The following LRRTM3 variants were observed in gnomAD, a reference collection of about 807,000 sequenced individuals.
LRRTM3 encodes the protein leucine rich repeat transmembrane neuronal 3, also known as leucine-rich repeat transmembrane neuronal protein 3.
LRRTM3 carries 24 observed loss-of-function variants against 44.7 expected under a neutral mutation model. The observed-to-expected ratio is 0.54, with a 90% CI of 0.39 to 0.76. The LOEUF (loss-of-function observed/expected upper bound fraction) is 0.76, where lower values mean the gene tolerates loss of function less well. Ranked by LOEUF, LRRTM3 falls within the 30% of genes least tolerant of loss-of-function variation. The probability of loss-of-function intolerance (pLI) is 0.00; values close to 1 mark genes in which losing one functional copy is unlikely to be tolerated. For synonymous variants in LRRTM3, 277 were observed against 278.7 expected, an observed-to-expected ratio of 0.99 and a Z score of 0.06; for missense variants, 587 against 702.2, an observed-to-expected ratio of 0.84 and a Z score of 1.85.
intron 2 of LRRTM3, among the ~76,000 whole-genome samples, chr10:66,977,889 G>A (rs924444581): frequency 2.0e-5 from 3 of 152,086 alleles, no homozygotes; most frequent in Non-Finnish European, 4.4e-5. Flanking sequence ...ATACAAAATA[G>A]TTTATAAATG....
intron 2 of LRRTM3, among the ~76,000 whole-genome samples, chr10:67,026,938 A>G (rs1853427606): frequency 6.6e-6 from 1 of 152,216 alleles, no homozygotes; most frequent in African/African-American, 2.4e-5. Flanking sequence ...TAGAAGAGGG[A>G]TCATGCCTTC....
intron 2 of LRRTM3, among the ~76,000 whole-genome samples, chr10:66,953,581 G>GC (rs550458092): frequency 3.2e-4 from 48 of 151,898 alleles, no homozygotes; most frequent in African/African-American, 1.2e-3. Flanking sequence ...CATGGGTTTT[G>GC]TTTTTTTCTA....
chr10:66,990,603 C>G (rs1274000938), intron 2 of LRRTM3, among the ~76,000 whole-genome samples: 2 of 152,056 alleles, frequency 1.3e-5, no homozygotes, highest in Non-Finnish European at 2.9e-5. Flanking sequence ...ATAAAGAGGT[C>G]AAATGTTGCT....
chr10:67,079,692 G>A (rs10997497), intron 2 of LRRTM3, among the ~76,000 whole-genome samples: 60,985 of 151,552 alleles, frequency 0.4, 12,581 homozygotes, highest in Middle Eastern at 0.55. Flanking sequence ...TACTAAAAAT[G>A]CAAAAACTAG....
chr10:67,023,502 G>A (rs975478561), intron 2 of LRRTM3, among the ~76,000 whole-genome samples: 1 of 152,090 alleles, frequency 6.6e-6, no homozygotes, highest in Admixed American at 6.6e-5. Flanking sequence ...TTATTTAATA[G>A]AATAGCTCTA....
chr10:66,996,649 C>CAAAAAAAAAAAAAAAAAAAAAAAAAA (rs57025097), intron 2 of LRRTM3, among the ~76,000 whole-genome samples: 3 of 67,644 alleles, frequency 4.4e-5, no homozygotes, highest in African/African-American at 5.9e-5. Flanking sequence ...TCCGTCTCTA[C>CAAAAAAAAAAAAAAAAAAAAAAAAAA]AAAAAAAAAA....
intron 2 of LRRTM3, among the ~76,000 whole-genome samples, chr10:66,987,783 T>C (rs1307268164): frequency 2.0e-5 from 3 of 152,224 alleles, no homozygotes; most frequent in African/African-American, 7.2e-5. Flanking sequence ...TCATGATAAC[T>C]AAATTTGGAT....
At chr10:66,937,143 C>A (rs1847753180) in intron 2 of LRRTM3, among the ~76,000 whole-genome samples, 1 of 151,832 alleles carries the variant, frequency 6.6e-6, no homozygotes, top group Non-Finnish European at 1.5e-5. Context: ...AAATTTTTTT[C>A]ATGGAGAGAC....
At chr10:66,953,224 A>G (rs539973144) in intron 2 of LRRTM3, among the ~76,000 whole-genome samples, 1 of 152,342 alleles carries the variant, frequency 6.6e-6, no homozygotes, top group African/African-American at 2.4e-5. Flanking sequence ...CAACACACAA[A>G]TCAATCCAGC....
At chr10:66,964,904 C>T (rs1849316824) in intron 2 of LRRTM3, among the ~76,000 whole-genome samples, 1 of 152,122 alleles carries the variant, frequency 6.6e-6, no homozygotes, top group Non-Finnish European at 1.5e-5. Flanking sequence ...TGTAAAAAAC[C>T]TGTGTTTAGA....
At chr10:66,941,932 C>G (rs189799445) in intron 2 of LRRTM3, among the ~76,000 whole-genome samples, 234 of 152,202 alleles carry the variant, frequency 1.5e-3, no homozygotes, top group Admixed American at 0.011. Context: ...TAAGTCTGTT[C>G]GTGGAAGACT....
chr10:67,045,576 G>C (rs938243418), intron 2 of LRRTM3, among the ~76,000 whole-genome samples: 1 of 152,132 alleles, frequency 6.6e-6, no homozygotes, highest in African/African-American at 2.4e-5. Flanking sequence ...GGTTCCCCAC[G>C]AACTTCCATT....
intron 2 of LRRTM3, among the ~76,000 whole-genome samples, chr10:66,965,818 T>TG (rs1849384193): frequency 6.6e-6 from 1 of 152,002 alleles, no homozygotes; most frequent in Non-Finnish European, 1.5e-5. Flanking sequence ...AGCATGCAGA[T>TG]TTTTTTTCTA....
intron 2 of LRRTM3, among the ~76,000 whole-genome samples, chr10:67,007,616 T>G (rs1852073684): frequency 6.6e-6 from 1 of 152,104 alleles, no homozygotes; most frequent in Non-Finnish European, 1.5e-5. Flanking sequence ...AAGGCTTTTT[T>G]CTGAAACCCT....
intron 2 of LRRTM3, among the ~76,000 whole-genome samples, chr10:67,041,490 G>T (rs1278100149): frequency 6.6e-6 from 1 of 152,076 alleles, no homozygotes; most frequent in Non-Finnish European, 1.5e-5. Flanking sequence ...TATTCCTAAA[G>T]CTTTCTTCCA....
intron 2 of LRRTM3, among the ~76,000 whole-genome samples, chr10:67,069,216 G>A (rs540417108): frequency 6.6e-6 from 1 of 152,068 alleles, no homozygotes; most frequent in East Asian, 1.9e-4. Flanking sequence ...AAAATATGCA[G>A]ATGAATGATC....
intron 2 of LRRTM3, among the ~76,000 whole-genome samples, chr10:66,942,548 G>GTCTCTCTC (rs67598003): frequency 7.0e-4 from 104 of 148,126 alleles, no homozygotes; most frequent in Middle Eastern, 3.5e-3. Context: ...TTGCCATAAT[G>GTCTCTCTC]TCTCTCTCTC....
intron 2 of LRRTM3, among the ~76,000 whole-genome samples, chr10:66,929,855 T>C (rs1417692416): frequency 6.6e-6 from 1 of 152,202 alleles, no homozygotes; most frequent in Non-Finnish European, 1.5e-5. Context: ...TTAAGGTTTT[T>C]AGAAAGATAT....
intron 2 of LRRTM3, among the ~76,000 whole-genome samples, chr10:66,935,994 G>C (rs1255392367): frequency 6.6e-6 from 1 of 152,086 alleles, no homozygotes; most frequent in Non-Finnish European, 1.5e-5. Context: ...ACATCCCTCT[G>C]CTAGTTAAAG....
Sources: gnomAD v4.1 joint callset for allele counts (sites outside exome capture counted in the v4.1 genomes callset) on GRCh38, gnomAD v4.1.1 for gene constraint, MANE v1.5 for transcripts, NCBI Gene and HGNC (gene_info 2026-07-23, HGNC 2026-07-21) for gene names.